Variants in ZZEF1 observed in about 807,000 individuals in gnomAD.
The protein encoded by ZZEF1 is zinc finger ZZ-type and EF-hand domain-containing protein 1.
ZZEF1 carries 157 observed loss-of-function variants against 342.8 expected under a neutral mutation model. That is an observed-to-expected ratio of 0.46 (90% confidence interval 0.40 to 0.52). ZZEF1 has a LOEUF of 0.52. Among genes scored for constraint, ZZEF1 ranks in the 20% least tolerant of loss-of-function variants. ZZEF1 has a pLI of 0.00. For missense variants in ZZEF1, 3,480 were observed against 3,725.6 expected (o/e 0.93, Z 1.72); for synonymous variants, 1,505 against 1,429.1 (o/e 1.05, Z -1.20).
chr17:4,137,701 C>CT (rs2058775340), intron 1 of ZZEF1, among the ~76,000 whole-genome samples: 1 of 152,230 alleles, frequency 6.6e-6, no homozygotes. Flanking sequence ...CAAAGACCTC[C>CT]TGTGTACAAT....
chr17:4,140,386 G>A (rs189657850), intron 1 of ZZEF1, among the ~76,000 whole-genome samples: 19 of 152,218 alleles, frequency 1.2e-4, no homozygotes, highest in Admixed American at 5.2e-4. Flanking sequence ...TACCTTCTCA[G>A]GTAAGTCTTG....
chr17:4,077,053 C>T (rs2057636857), intron 19 of ZZEF1, 64 bp from the exon 20 acceptor site: 7 of 1,451,332 alleles, frequency 4.8e-6, no homozygotes, highest in Non-Finnish European at 6.4e-6. Flanking sequence ...TTGGTTATCA[C>T]CACAGACAAG....
chr17:4,031,982 G>C (rs1597787082), intron 42 of ZZEF1, 144 bp downstream of exon 42: 8 of 851,966 alleles, frequency 9.4e-6, no homozygotes, highest in African/African-American at 1.7e-5. Context: ...CAGAAATAAG[G>C]AAAAAGAAGC....
intron 41 of ZZEF1, 119 bp from the exon 42 acceptor site, chr17:4,032,377 A>G: frequency 9.0e-7 from 1 of 1,107,232 alleles, no homozygotes; most frequent in Middle Eastern, 2.1e-4. Context: ...ACGCAAGGAT[A>G]GGGATCTTCT....
chr17:4,074,965 A>C, intron 23 of ZZEF1, 132 bp downstream of exon 23: 1 of 967,620 alleles, frequency 1.0e-6, no homozygotes, highest in Non-Finnish European at 1.6e-6. Flanking sequence ...CTCTGATATA[A>C]ATCCTTCCTT....
In ZZEF1 at chr17:4,044,307, C is replaced by G. The variant is rs151149603; in HGVS notation, c.6083G>C (p.Gly2028Ala). ...TGAAGGATCCTTCGATAATGATACA[C>G]CTTTATCTGCCTTATTTCTCTGCTT... ...DFKQRNKADK[G>A]VSLSKDPSCQ... The change falls in exon 38 of 55, where the codon GGT (glycine) becomes GCT (alanine). Residue 2028 changes from glycine to alanine, a missense_variant. This residue lies in a region of ZZEF1 where 1,269 missense variants were observed against 1,342.4 expected (regional missense o/e 0.95). Transcript: ENST00000381638. The G allele has an allele frequency of 8.9e-4, 1,435 of 1,614,032 alleles. 18 individuals carry two copies. In the South Asian group the frequency reaches 0.012, roughly 13 times the overall value.
At position 4,044,325 on chromosome 17, in the gene ZZEF1, C is replaced by A. The variant is rs1385032198; in HGVS notation, c.6065G>T (p.Arg2022Ile). The change falls in exon 38 of 55, where the codon AGA becomes ATA. Residue 2022 changes from arginine to isoleucine, a missense_variant. Arg to Ile is a moderately conservative substitution (Grantham distance 97). Around this residue, in one of 5 missense-constraint regions of ZZEF1, gnomAD observed 1,269 missense variants for 1,342.4 expected, o/e 0.95. Transcript: ENST00000381638. The stretch of plus-strand genomic sequence containing the variant: ...TGATACACCTTTATCTGCCTTATTT[C>A]TCTGCTTGAAATCTACAGGTCTGAT... The part of the protein sequence containing the change: ...EEIRPVDFKQ[R>I]NKADKGVSLS... 2 of 1,613,928 alleles carry A rather than the reference C, an allele frequency of 1.2e-6. No individual in the cohort carries two copies. Among genetic ancestry groups the A allele is most frequent in the Non-Finnish European group, 1.7e-6 (2 of 1,179,984 alleles).
chr17:4,086,442 C>T lies in ZZEF1; in HGVS notation c.2512+44G>A, dbSNP rs1251596693. On this transcript the variant is annotated intron_variant, in intron 15 of 54. Coordinates refer to ENST00000381638, the MANE Select transcript of ZZEF1 (RefSeq NM_015113.4). ...TCTCTATAGCAAGAGGCCCTTCACG[C>T]TACCTACACAGGGTTGTATTAAAGA... The T allele has an allele frequency of 2.5e-6, 4 of 1,603,338 alleles. No homozygotes were observed. The East Asian group carries it at 8.9e-5, about 36-fold the overall frequency.
At position 4,062,893 on chromosome 17, in the gene ZZEF1, C is replaced by G. The variant is rs764042653; in HGVS notation, c.4743G>C (p.Arg1581Ser). 25 of 1,611,764 alleles carry G rather than the reference C, an allele frequency of 1.6e-5. No homozygotes were observed. The highest frequency in any genetic ancestry group is 3.3e-5 in the South Asian group (3 of 90,890). Reference protein sequence around the residue: ...HRSVVKVLSLRKAQAQSILEV... With the variant: ...HRSVVKVLSLSKAQAQSILEV... Reference sequence around the variant, plus strand: ...CCAGGATGCTCTGGGCCTGGGCTTTCCTCAGGGAAAGAACCTTCACAACAC... The same window carrying G: ...CCAGGATGCTCTGGGCCTGGGCTTTGCTCAGGGAAAGAACCTTCACAACAC... Residue 1581 changes from arginine to serine, a missense_variant, in exon 30 of 55, where the codon AGG (arginine) becomes AGC (serine). Arg to Ser is a moderately radical substitution (Grantham distance 110). This residue lies in a region of ZZEF1 where 1,528 missense variants were observed against 1,624.1 expected (regional missense o/e 0.94). Transcript: ENST00000381638.
chr17:4,036,807 ACACACACACACTCT>A (rs1429277904), intron 39 of ZZEF1, among the ~76,000 whole-genome samples: 52 of 94,980 alleles, frequency 5.5e-4, no homozygotes, highest in African/African-American at 3.7e-4. Flanking sequence ...ACACACACAC[ACACACACACACTCT>A]CTCTCTCTCT....
intron 51 of ZZEF1, 135 bp downstream of exon 51, chr17:4,013,953 TTG>T: frequency 1.2e-6 from 1 of 817,034 alleles, no homozygotes; most frequent in East Asian, 2.7e-5. Flanking sequence ...GGTGTGGGGC[TTG>T]TGAGACAAAT....
intron 1 of ZZEF1, 91 bp from the exon 2 acceptor site, chr17:4,124,142 T>G: frequency 7.0e-7 from 1 of 1,424,724 alleles, no homozygotes; most frequent in Non-Finnish European, 9.3e-7. Context: ...TCGAGACCGG[T>G]GATTTATTTA....
chr17:4,084,603 A>G (rs1182631501), intron 16 of ZZEF1, among the ~76,000 whole-genome samples: 1 of 152,226 alleles, frequency 6.6e-6, no homozygotes, highest in Non-Finnish European at 1.5e-5. Flanking sequence ...CTAGAGAGAA[A>G]AAGTTTTGTT....
intron 1 of ZZEF1, among the ~76,000 whole-genome samples, chr17:4,132,181 A>G (rs1232152618): frequency 6.7e-6 from 1 of 149,534 alleles, no homozygotes; most frequent in Non-Finnish European, 1.5e-5. Flanking sequence ...AACTGATAAA[A>G]ATAAAAGCCT....
chr17:4,139,081 GAAGA>G (rs1332016738), intron 1 of ZZEF1, among the ~76,000 whole-genome samples: 2 of 138,512 alleles, frequency 1.4e-5, no homozygotes, highest in African/African-American at 5.7e-5. Flanking sequence ...GGAAGCCAAA[GAAGA>G]AACATGTAAC....
chr17:4,030,115 TG>T (rs1445713596), intron 42 of ZZEF1, among the ~76,000 whole-genome samples: 1 of 151,304 alleles, frequency 6.6e-6, no homozygotes, highest in Non-Finnish European at 1.5e-5. Context: ...GAAATTTATC[TG>T]GGCAGTAATC....
chr17:4,023,677 A>AAC (rs1385038970), intron 43 of ZZEF1, among the ~76,000 whole-genome samples: 3 of 151,276 alleles, frequency 2.0e-5, no homozygotes, highest in Non-Finnish European at 4.4e-5. Context: ...AAAAAAAAAA[A>AAC]ATTAACTGGG....
In ZZEF1 at chr17:4,122,177, T is replaced by C. The variant is rs369549711; in HGVS notation, c.499+1730A>G. Among the ~76,000 whole-genome samples, 11 of 152,262 alleles carry C rather than the reference T, an allele frequency of 7.2e-5. No homozygotes were observed. In the East Asian group the frequency reaches 1.9e-3, roughly 27 times the overall value. ...TTGCTGCCCTAGTGACCCTAAGTAT[T>C]ATGACACCAAGTGCACAGAGCAGGA... On this transcript the variant is annotated intron_variant, in intron 2 of 54. Transcript: ENST00000381638.
chr17:4,138,811 A>G (rs1415260964), intron 1 of ZZEF1, among the ~76,000 whole-genome samples: 1 of 152,250 alleles, frequency 6.6e-6, no homozygotes, highest in African/African-American at 2.4e-5. Flanking sequence ...GATGTGAAAT[A>G]AGAACTTAAT....
Sources: allele counts gnomAD v4.1 joint callset (sites outside exome capture counted in the v4.1 genomes callset), GRCh38; gene constraint gnomAD v4.1.1; regional missense constraint gnomAD v4.1.1; transcripts MANE v1.5; gene names NCBI Gene and HGNC (gene_info 2026-07-23, HGNC 2026-07-21).